RC3H1: variants seen among roughly 807,000 people sequenced by gnomAD.
The protein encoded by RC3H1 is ring finger and CCCH-type domains 1.
RC3H1 carries 50 observed loss-of-function variants against 138.2 expected under a neutral mutation model. The ratio of observed to expected loss-of-function variants is 0.36; its 90% confidence interval spans 0.29 to 0.46. The LOEUF (loss-of-function observed/expected upper bound fraction) is 0.46. RC3H1 is among the 20% of genes least tolerant of loss of function. The pLI is 1.00. For synonymous variants in RC3H1, 462 were observed against 489.1 expected (o/e 0.94, Z 0.73); for missense variants, 1,031 against 1,388.1 (o/e 0.74, Z 4.09).
intron 1 of RC3H1, among the ~76,000 whole-genome samples, chr1:174,007,389 C>CAA (rs202112964): frequency 7.5e-6 from 1 of 132,538 alleles, no homozygotes; most frequent in African/African-American, 2.8e-5. Context: ...GACTCCATCT[C>CAA]AAAAAAAAAA....
At chr1:173,996,386 G>A (rs1661461881) in intron 1 of RC3H1, among the ~76,000 whole-genome samples, 1 of 152,072 alleles carries the variant, frequency 6.6e-6, no homozygotes, top group Non-Finnish European at 1.5e-5. Flanking sequence ...GTAAATGAAT[G>A]GAAGAAAAAG....
intron 14 of RC3H1, among the ~76,000 whole-genome samples, chr1:173,948,742 C>T (rs1659245274): frequency 6.6e-6 from 1 of 151,992 alleles, no homozygotes; most frequent in South Asian, 2.1e-4. Flanking sequence ...TGCACCACCA[C>T]ACCTGGCTAA....
At chr1:173,970,454 G>T (rs776759177) in intron 9 of RC3H1, 51 bp downstream of exon 9, 3 of 1,179,522 alleles carry the variant, frequency 2.5e-6, no homozygotes, top group East Asian at 2.3e-5. Context: ...GTATGTCAGC[G>T]AATTATTCCA....
intron 18 of RC3H1, among the ~76,000 whole-genome samples, chr1:173,941,674 G>A (rs1557917136): frequency 6.6e-6 from 1 of 152,172 alleles, no homozygotes. Context: ...GGCGGCTCAC[G>A]CCTGTAATAC....
chr1:173,938,652 T>C lies in RC3H1; in HGVS notation c.*69A>G. On this transcript the variant is annotated 3_prime_UTR_variant, in exon 20 of 20. Transcript: ENST00000367696. ...CTTAAGAGAAAAAGTTTAGAAGTTATGCGTTCTCCTACCCCTATGCCCGAC... is the reference window on the plus strand; with the variant it reads ...CTTAAGAGAAAAAGTTTAGAAGTTACGCGTTCTCCTACCCCTATGCCCGAC... 1 of 1,180,932 alleles carries C rather than the reference T, an allele frequency of 8.5e-7. No individual in the cohort carries two copies. The highest frequency in any genetic ancestry group is 1.2e-6 in the Non-Finnish European group (1 of 858,942). 73.2% of individuals were successfully genotyped at this position (1,180,932 alleles called of 1,614,324 possible). A position where few individuals can be genotyped will look rare whatever the true frequency, so the allele number is the denominator to read the frequency against.
At chr1:173,956,383 T>C (rs1659648574) in intron 13 of RC3H1, among the ~76,000 whole-genome samples, 1 of 152,094 alleles carries the variant, frequency 6.6e-6, no homozygotes, top group African/African-American at 2.4e-5. Context: ...GCTTTCATCA[T>C]TGCATATTGT....
chr1:173,941,989 A>C (rs2102844801), intron 18 of RC3H1, among the ~76,000 whole-genome samples: 1 of 149,234 alleles, frequency 6.7e-6, no homozygotes, highest in Middle Eastern at 3.6e-3. Flanking sequence ...CAGTAATCCC[A>C]GCACTTTGGG....
chr1:173,949,086 A>T (rs1659264484), intron 14 of RC3H1, among the ~76,000 whole-genome samples: 1 of 122,410 alleles, frequency 8.2e-6, no homozygotes, highest in Admixed American at 1.2e-4. Context: ...CAAAAAAAAA[A>T]ATTTTATTTT....
intron 19 of RC3H1, among the ~76,000 whole-genome samples, chr1:173,939,574 T>G (rs1274244922): frequency 7.4e-6 from 1 of 134,820 alleles, no homozygotes; most frequent in African/African-American, 2.8e-5. Context: ...TGGTGGCTCA[T>G]GCCTGTAATC....
At chr1:173,998,791 A>C (rs1035782850) in intron 1 of RC3H1, among the ~76,000 whole-genome samples, 15 of 151,932 alleles carry the variant, frequency 9.9e-5, no homozygotes, top group African/African-American at 3.4e-4. Flanking sequence ...TCTTATTATC[A>C]AAATAAAAAA....
At position 173,978,760 on chromosome 1, in the gene RC3H1, A is replaced by T. The variant is rs1660683002; in HGVS notation, c.970-140T>A. The T allele has an allele frequency of 1.7e-5, 14 of 826,614 alleles. No individual in the cohort carries two copies. The South Asian group carries it at 2.9e-4, about 17-fold the overall frequency. The allele number at this position is 826,614 out of a possible 1,614,324, so 51.2% of individuals were successfully genotyped here. A position where few individuals can be genotyped will look rare whatever the true frequency, so the allele number is the denominator to read the frequency against. ...ATACCCTACACTTTGGCCAGAGTAG[A>T]TTACTTGCTACCCAAATAAATTCTG... On this transcript the variant is annotated intron_variant, in intron 6 of 19. Transcript: ENST00000367696.
intron 1 of RC3H1, among the ~76,000 whole-genome samples, chr1:174,005,927 C>T (rs529956491): frequency 7.9e-5 from 12 of 152,212 alleles, no homozygotes; most frequent in East Asian, 3.9e-4. Context: ...CATTCCTGGC[C>T]GGGCGCGGTG....
intron 17 of RC3H1, 83 bp downstream of exon 17, chr1:173,946,393 G>A (rs1328577610): frequency 7.5e-7 from 1 of 1,338,946 alleles, no homozygotes; most frequent in African/African-American, 1.5e-5. Context: ...AAAGTTTTTT[G>A]TTCACAGTGC....
chr1:173,983,308 T>C, intron 4 of RC3H1, 110 bp downstream of exon 4: 2 of 1,306,318 alleles, frequency 1.5e-6, no homozygotes, highest in Non-Finnish European at 2.1e-6. Flanking sequence ...AAGATATTAG[T>C]TGGTAACAAT....
chr1:173,980,783 GAAGT>G (rs1474603873), intron 6 of RC3H1, 22 bp downstream of exon 6: 1 of 1,571,246 alleles, frequency 6.4e-7, no homozygotes, highest in African/African-American at 1.4e-5. Context: ...ATTAGTCTAA[GAAGT>G]AAGGAACAAA....
intron 14 of RC3H1, among the ~76,000 whole-genome samples, chr1:173,951,186 G>C (rs1482250242): frequency 6.6e-6 from 1 of 152,040 alleles, no homozygotes; most frequent in Non-Finnish European, 1.5e-5. Flanking sequence ...TTAGCTGGCC[G>C]TGGTGGCGCA....
At chr1:173,978,247 C>G (rs1222305472) in intron 7 of RC3H1, among the ~76,000 whole-genome samples, 2 of 151,906 alleles carry the variant, frequency 1.3e-5, no homozygotes, top group African/African-American at 4.8e-5. Context: ...TAAAGAAGCC[C>G]AGAGAAATCT....
intron 1 of RC3H1, among the ~76,000 whole-genome samples, chr1:174,007,613 G>A (rs1661678675): frequency 6.6e-6 from 1 of 151,882 alleles, no homozygotes; most frequent in African/African-American, 2.4e-5. Flanking sequence ...ATGAGCATGG[G>A]CCACCATGCC....
chr1:173,951,326 C>CA (rs1341027934), intron 14 of RC3H1, among the ~76,000 whole-genome samples: 8 of 151,486 alleles, frequency 5.3e-5, no homozygotes, highest in African/African-American at 1.7e-4. Flanking sequence ...ACTCCATCCC[C>CA]CCCCCAAAAA....
Sources: gnomAD v4.1 joint callset for allele counts (sites outside exome capture counted in the v4.1 genomes callset) on GRCh38, gnomAD v4.1.1 for gene constraint, MANE v1.5 for transcripts, NCBI Gene and HGNC (gene_info 2026-07-23, HGNC 2026-07-21) for gene names.